GALNTL6: variants seen among roughly 807,000 people sequenced by gnomAD.
GALNTL6 encodes polypeptide N-acetylgalactosaminyltransferase like 6.
A neutral mutation model predicts 73.7 loss-of-function variants in GALNTL6; 46 were observed. The observed-to-expected ratio is 0.62, with a 90% confidence interval of 0.49 to 0.80. The LOEUF (loss-of-function observed/expected upper bound fraction) is 0.80, where lower values mean the gene tolerates loss of function less well. Ranked by LOEUF, GALNTL6 falls within the 30% of genes least tolerant of loss-of-function variation. The probability of loss-of-function intolerance (pLI) is 0.00; values close to 1 mark genes in which losing one functional copy is unlikely to be tolerated. For missense variants in GALNTL6, 604 were observed against 755.0 expected (o/e 0.80, Z 2.34); for synonymous variants, 259 against 263.7 (o/e 0.98, Z 0.17).
At chr4:171,896,133 G>A (rs1354667823) in intron 2 of GALNTL6, among the ~76,000 whole-genome samples, 1 of 152,106 alleles carries the variant, frequency 6.6e-6, no homozygotes, top group Non-Finnish European at 1.5e-5. Flanking sequence ...CGTAATGGTT[G>A]AAATTTTCTA....
intron 2 of GALNTL6, among the ~76,000 whole-genome samples, chr4:172,060,311 T>C (rs1289149127): frequency 1.3e-5 from 2 of 152,182 alleles, no homozygotes; most frequent in African/African-American, 2.4e-5. Flanking sequence ...CATATACATA[T>C]CTGCATATAT....
intron 2 of GALNTL6, among the ~76,000 whole-genome samples, chr4:172,064,224 A>G (rs1419822690): frequency 6.6e-6 from 1 of 152,114 alleles, no homozygotes; most frequent in Non-Finnish European, 1.5e-5. Context: ...ATTGCCCTCA[A>G]TTGATTTTAT....
At chr4:171,941,361 A>T (rs1341972997) in intron 2 of GALNTL6, among the ~76,000 whole-genome samples, 1 of 152,256 alleles carries the variant, frequency 6.6e-6, no homozygotes, top group African/African-American at 2.4e-5. Flanking sequence ...GAAACCATTA[A>T]CCTTGCAATA....
chr4:172,083,386 G>A (rs1731938477), intron 2 of GALNTL6, among the ~76,000 whole-genome samples: 1 of 152,084 alleles, frequency 6.6e-6, no homozygotes, highest in South Asian at 2.1e-4. Flanking sequence ...TCACTTAAAT[G>A]CTAAAGTTTT....
intron 2 of GALNTL6, among the ~76,000 whole-genome samples, chr4:172,074,271 T>A (rs557820539): frequency 6.6e-6 from 1 of 152,332 alleles, no homozygotes; most frequent in East Asian, 1.9e-4. Flanking sequence ...CCTTATCATT[T>A]AAAAATCAGG....
chr4:172,546,041 T>C (rs1203199099), intron 5 of GALNTL6, among the ~76,000 whole-genome samples: 1 of 152,220 alleles, frequency 6.6e-6, no homozygotes, highest in Non-Finnish European at 1.5e-5. Context: ...TGTGTATATA[T>C]AAATATGTAT....
At chr4:172,914,434 A>G (rs992757476) in intron 8 of GALNTL6, among the ~76,000 whole-genome samples, 2 of 152,274 alleles carry the variant, frequency 1.3e-5, no homozygotes, top group East Asian at 1.9e-4. Flanking sequence ...ACATGCCCCA[A>G]TTAAAAGACA....
chr4:172,405,130 C>G (rs1744163173), intron 5 of GALNTL6, among the ~76,000 whole-genome samples: 1 of 151,706 alleles, frequency 6.6e-6, no homozygotes, highest in Non-Finnish European at 1.5e-5. Flanking sequence ...ATTCGGAAAG[C>G]CTTCTTGTCA....
chr4:172,438,083 G>A (rs1159585035), intron 5 of GALNTL6, among the ~76,000 whole-genome samples: 1 of 152,076 alleles, frequency 6.6e-6, no homozygotes, highest in Non-Finnish European at 1.5e-5. Context: ...TTTTGGCCAT[G>A]AAGTCATTTC....
At chr4:172,949,488 ATT>A (rs777024366) in intron 9 of GALNTL6, among the ~76,000 whole-genome samples, 360 of 152,360 alleles carry the variant, frequency 2.4e-3, no homozygotes, top group Non-Finnish European at 2.1e-3. Flanking sequence ...ATTGATGAAA[ATT>A]AAGTATTTCC....
At chr4:172,948,931 T>C (rs2126335527) in intron 9 of GALNTL6, among the ~76,000 whole-genome samples, 1 of 152,346 alleles carries the variant, frequency 6.6e-6, no homozygotes, top group East Asian at 1.9e-4. Flanking sequence ...CTTTTACTTA[T>C]TGATATTGCC....
intron 5 of GALNTL6, among the ~76,000 whole-genome samples, chr4:172,458,278 A>G (rs1189379611): frequency 1.3e-5 from 2 of 151,888 alleles, no homozygotes; most frequent in African/African-American, 2.4e-5. Flanking sequence ...GGAAAGATCT[A>G]AAATTGACAT....
chr4:172,515,640 G>A (rs779751648), intron 5 of GALNTL6, among the ~76,000 whole-genome samples: 7 of 152,210 alleles, frequency 4.6e-5, no homozygotes, highest in Admixed American at 6.5e-5. Context: ...GGCCTCAGGG[G>A]AGTTCTGCAG....
At chr4:172,152,399 T>C (rs1343358756) in intron 2 of GALNTL6, among the ~76,000 whole-genome samples, 1 of 152,230 alleles carries the variant, frequency 6.6e-6, no homozygotes, top group East Asian at 1.9e-4. Context: ...ATGGAGTTTG[T>C]AAATGTAGAC....
At chr4:172,467,974 G>A (rs955124322) in intron 5 of GALNTL6, among the ~76,000 whole-genome samples, 3 of 149,312 alleles carry the variant, frequency 2.0e-5, no homozygotes, top group Non-Finnish European at 4.4e-5. Context: ...GCTCACTACA[G>A]CCTGGAACTC....
chr4:171,970,690 A>G (rs1233051449), intron 2 of GALNTL6, among the ~76,000 whole-genome samples: 2 of 152,192 alleles, frequency 1.3e-5, no homozygotes, highest in African/African-American at 2.4e-5. Context: ...TAAAAACTCA[A>G]AAATGTGTTT....
chr4:171,894,671 C>A (rs918436400), intron 2 of GALNTL6, among the ~76,000 whole-genome samples: 5 of 152,270 alleles, frequency 3.3e-5, no homozygotes, highest in Admixed American at 6.5e-5. Context: ...CCAACTGTTT[C>A]TTTTAAATAT....
chr4:172,199,856 A>G (rs1287186060), intron 2 of GALNTL6, among the ~76,000 whole-genome samples: 1 of 152,188 alleles, frequency 6.6e-6, no homozygotes, highest in Non-Finnish European at 1.5e-5. Flanking sequence ...TACTCTAGAA[A>G]GACTTTTCCT....
intron 8 of GALNTL6, among the ~76,000 whole-genome samples, chr4:172,909,903 T>C (rs1747109202): frequency 6.6e-6 from 1 of 152,082 alleles, no homozygotes; most frequent in African/African-American, 2.4e-5. Context: ...AGGGACTGAT[T>C]GAATTAATTA....
Sources: gnomAD v4.1 joint callset for allele counts (sites outside exome capture counted in the v4.1 genomes callset) on GRCh38, gnomAD v4.1.1 for gene constraint, MANE v1.5 for transcripts, NCBI Gene and HGNC (gene_info 2026-07-23, HGNC 2026-07-21) for gene names.